ATP7A: variants seen among roughly 807,000 people sequenced by gnomAD.
The protein encoded by ATP7A is ATPase copper transporting alpha.
Under a neutral mutation model 83.5 loss-of-function variants are expected in ATP7A, and 7 were observed. That is an observed-to-expected ratio of 0.08 (90% CI 0.05 to 0.16). The LOEUF is 0.16. Ranked by LOEUF, ATP7A falls within the 10% of genes least tolerant of loss-of-function variation. The pLI, the probability that ATP7A is intolerant of heterozygous loss-of-function variation, is 1.00. For synonymous variants in ATP7A, 354 were observed against 395.2 expected (o/e 0.90, Z 1.24); for missense variants, 940 against 1,120.8 (o/e 0.84, Z 2.30).
chrX:78,030,532 A>G, intron 15 of ATP7A, among the ~76,000 whole-genome samples: 1 of 111,275 alleles, frequency 9.0e-6, no homozygotes, highest in Non-Finnish European at 1.9e-5. Context: ...TGTAAACTGT[A>G]GTACAACTAT....
chrX:78,013,520 T>C (rs1203577609), intron 10 of ATP7A, among the ~76,000 whole-genome samples: 2 of 111,977 alleles, frequency 1.8e-5, no homozygotes, highest in Non-Finnish European at 3.8e-5. Context: ...GTATTCATAC[T>C]ACTTTGTACC....
In ATP7A at chrX:78,048,717, T is replaced by C. The variant is rs782470678; in HGVS notation, c.*2147T>C. The C allele has an allele frequency of 3.6e-5, 4 of 112,054 alleles. No individual in the cohort carries two copies. Among genetic ancestry groups the C allele is most frequent in the South Asian group, 7.4e-4 (2 of 2,713 alleles). 9.2% of individuals were successfully genotyped at this position (112,054 alleles called of 1,213,427 possible). A position where few individuals can be genotyped will look rare whatever the true frequency, so the allele number is the denominator to read the frequency against. ...GGCCCTTTTTTTAGACCAATGCCTA[T>C]GCCATCCTCCATGCTTTCAGTTTGA... On this transcript the variant is annotated 3_prime_UTR_variant, in exon 23 of 23. Coordinates refer to ENST00000341514, the MANE Select transcript of ATP7A (RefSeq NM_000052.7).
At chrX:78,032,401 A>T (rs1304249901) in intron 16 of ATP7A, among the ~76,000 whole-genome samples, 2 of 112,028 alleles carry the variant, frequency 1.8e-5, no homozygotes, top group African/African-American at 6.5e-5. Flanking sequence ...TACCCATATG[A>T]TGAATATTAC....
At chrX:77,979,710 A>T (rs1159902154) in intron 2 of ATP7A, among the ~76,000 whole-genome samples, 1 of 112,470 alleles carries the variant, frequency 8.9e-6, no homozygotes, top group Non-Finnish European at 1.9e-5. Context: ...AAGTTGTTTT[A>T]TTGGAAAATG....
chrX:78,011,614 G>T lies in ATP7A; in HGVS notation c.2112G>T (p.Gln704His). Residue 704 changes from glutamine (Q) to histidine (H), a missense_variant, in exon 9 of 23, where the codon CAG becomes CAT. Gln to His is a conservative substitution (Grantham distance 24). This residue lies in a region of ATP7A where 204 missense variants were observed against 185.8 expected (regional missense o/e 1.10). Transcript: ENST00000341514. Reference protein sequence around the residue: ...NLHSSMFLERQILPGLSVMNL... With the variant: ...NLHSSMFLERHILPGLSVMNL... Reference sequence around the variant, plus strand: ...ATTCTTCTATGTTCCTGGAGCGCCAGATTCTTCCAGGATTGTCTGTTATGA... The same window carrying T: ...ATTCTTCTATGTTCCTGGAGCGCCATATTCTTCCAGGATTGTCTGTTATGA... 1.7e-6 allele frequency: 2 copies of T among 1,211,301 alleles called. No homozygotes were observed. Among genetic ancestry groups the T allele is most frequent in the Admixed American group, 2.2e-5 (1 of 45,929 alleles).
At chrX:77,950,715 C>A (rs1217792715) in intron 1 of ATP7A, among the ~76,000 whole-genome samples, 2 of 110,788 alleles carry the variant, frequency 1.8e-5, no homozygotes, top group Non-Finnish European at 3.8e-5. Flanking sequence ...ATTTAACATA[C>A]CATAAATTCA....
Position 78,047,296 on chromosome X carries a change from A to G in ATP7A, c.*726A>G, listed in dbSNP as rs967617805. The G allele has an allele frequency of 8.9e-6, 1 of 111,929 alleles. No individual in the cohort carries two copies. The highest frequency in any genetic ancestry group is 1.9e-5 in the Non-Finnish European group (1 of 53,168). 9.2% of individuals were successfully genotyped at this position (111,929 alleles called of 1,213,427 possible). Reference sequence around the variant, plus strand: ...AAATTTTGTAGCTCAAAAGACCTTAAAGGTCTGTAGGGTTCCCTGCCTCCC... The same window carrying G: ...AAATTTTGTAGCTCAAAAGACCTTAGAGGTCTGTAGGGTTCCCTGCCTCCC... On this transcript the variant is annotated 3_prime_UTR_variant, in exon 23 of 23. Transcript: ENST00000341514.
intron 1 of ATP7A, among the ~76,000 whole-genome samples, chrX:77,931,810 G>T (rs1212083448): frequency 3.0e-5 from 3 of 98,566 alleles, no homozygotes; most frequent in African/African-American, 3.7e-5. Context: ...GCGGCTGGCC[G>T]GGCGGGGGGC....
At chrX:77,942,895 A>G (rs1002315476) in intron 1 of ATP7A, among the ~76,000 whole-genome samples, 9 of 110,271 alleles carry the variant, frequency 8.2e-5, no homozygotes, top group Non-Finnish European at 1.5e-4. Flanking sequence ...TGCAAACACC[A>G]CCTCCCAGTT....
In ATP7A at chrX:78,000,120, G is replaced by A. The variant is rs782081496; in HGVS notation, c.1543+1436G>A. On this transcript the variant is annotated intron_variant, in intron 5 of 22. Transcript: ENST00000341514. Reference sequence around the variant, plus strand: ...AATCACCTCACCTCATATATTAAGGGCAGAACATTATTATAATAAAATGTA... The same window carrying A: ...AATCACCTCACCTCATATATTAAGGACAGAACATTATTATAATAAAATGTA... Among the ~76,000 whole-genome samples the A allele has an allele frequency of 1.3e-4, 14 of 110,258 alleles. No individual in the cohort carries two copies. The South Asian group carries it at 2.3e-3, about 18-fold the overall frequency.
intron 1 of ATP7A, among the ~76,000 whole-genome samples, chrX:77,911,447 G>C (rs952713897): frequency 1.8e-5 from 2 of 111,526 alleles, no homozygotes; most frequent in African/African-American, 6.5e-5. Flanking sequence ...ACAATTCAGC[G>C]TTTGTCCAGG....
Position 78,020,916 on chromosome X carries a change from C to CT in ATP7A, c.2782-27dup, listed in dbSNP as rs782134996. 2.4e-5 allele frequency: 28 copies of CT among 1,184,898 alleles called. No homozygotes were observed. In the South Asian group the frequency reaches 4.8e-4, roughly 20 times the overall value. On this transcript the variant is annotated intron_variant, in intron 13 of 22. Transcript: ENST00000341514. ...AAAAGACTTTGATATGCTTCTTCTT[C>CT]TTATTATTGTTGTTATTTTTAATTC...
rs1160938268 is a variant in ATP7A at position 78,045,414 on chromosome X, A to T, written c.4124-56A>T. 2.2e-5 allele frequency: 20 copies of T among 909,159 alleles called. No homozygotes were observed. The African/African-American group carries it at 3.7e-4, about 17-fold the overall frequency. 74.9% of individuals were successfully genotyped at this position (909,159 alleles called of 1,213,427 possible). ...AATGATTTGTATGTATGTTAGAAAC[A>T]CATTAATAATCTGTTTAGTATTATC... is the stretch of plus-strand genomic sequence containing the variant. On this transcript the variant is annotated intron_variant, in intron 21 of 22. Coordinates refer to ENST00000341514, the MANE Select transcript of ATP7A (RefSeq NM_000052.7).
In ATP7A at chrX:77,918,909, C is replaced by T. The variant is rs2077197479; in HGVS notation, c.-22+8074C>T. 2.7e-5 allele frequency among the ~76,000 whole-genome samples: 3 copies of T among 111,453 alleles called. No homozygotes were observed. In the South Asian group the frequency reaches 1.1e-3, roughly 41 times the overall value. ...TAGTCCCAACACGTTTATCATTTGA[C>T]TCTCTTTGCCTCCCACTTGAAGGCT... On this transcript the variant is annotated intron_variant, in intron 1 of 22. Coordinates refer to ENST00000341514, the MANE Select transcript of ATP7A (RefSeq NM_000052.7).
At chrX:77,986,747 C>T (rs1455457578) in intron 2 of ATP7A, among the ~76,000 whole-genome samples, 3 of 111,636 alleles carry the variant, frequency 2.7e-5, no homozygotes, top group Non-Finnish European at 3.8e-5. Context: ...TTAATTCAGA[C>T]CCTCTATTGC....
intron 1 of ATP7A, among the ~76,000 whole-genome samples, chrX:77,918,470 G>C (rs2077195493): frequency 9.0e-6 from 1 of 111,342 alleles, no homozygotes; most frequent in African/African-American, 3.3e-5. Flanking sequence ...TTATTATGGT[G>C]ATGTCCAACC....
chrX:78,035,388 T>C (rs1222751891), intron 17 of ATP7A, among the ~76,000 whole-genome samples: 2 of 112,057 alleles, frequency 1.8e-5, no homozygotes, highest in African/African-American at 3.2e-5. Flanking sequence ...CAGTACCTTT[T>C]ATTACAGTGT....
chrX:77,940,720 C>CA (rs201424732), intron 1 of ATP7A, among the ~76,000 whole-genome samples: 5,799 of 111,285 alleles, frequency 0.052, 400 homozygotes, highest in African/African-American at 0.18. Context: ...CTATCTGTAA[C>CA]AAAAAAGGTA....
chrX:77,989,207 T>C lies in ATP7A; in HGVS notation c.611-26T>C, dbSNP rs371605443. On this transcript the variant is annotated intron_variant, in intron 3 of 22. Transcript: ENST00000341514. The stretch of plus-strand genomic sequence containing the variant: ...TGAAGTAGCCCAGGAATAACTGAAT[T>C]AATTATATTTCTTTTTATTAACTAG... 38 of 1,185,255 alleles carry C rather than the reference T, an allele frequency of 3.2e-5. No individual in the cohort carries two copies. The African/African-American group carries it at 4.2e-4, about 13-fold the overall frequency.
Sources: allele counts gnomAD v4.1 joint callset (sites outside exome capture counted in the v4.1 genomes callset), GRCh38; gene constraint gnomAD v4.1.1; regional missense constraint gnomAD v4.1.1; transcripts MANE v1.5; gene names NCBI Gene and HGNC (gene_info 2026-07-23, HGNC 2026-07-21).